TENM2: variants seen among roughly 807,000 people sequenced by gnomAD.
TENM2 encodes the protein teneurin-2.
Under a neutral mutation model 245.2 loss-of-function variants are expected in TENM2, and 52 were observed. The observed-to-expected ratio is 0.21, with a 90% CI of 0.17 to 0.27. TENM2 has a LOEUF of 0.27. TENM2 is among the 10% of genes least tolerant of loss of function. The pLI is 1.00. For missense variants in TENM2, 3,046 were observed against 3,666.8 expected, an observed-to-expected ratio of 0.83 and a Z score of 4.37; for synonymous variants, 1,363 against 1,438.9, an observed-to-expected ratio of 0.95 and a Z score of 1.19.
At chr5:167,309,130 T>A (rs1755863873) in intron 1 of TENM2, among the ~76,000 whole-genome samples, 1 of 152,092 alleles carries the variant, frequency 6.6e-6, no homozygotes, top group Non-Finnish European at 1.5e-5. Flanking sequence ...TATAGAATGA[T>A]CCTTGTCTTC....
At chr5:168,246,857 G>A in exon 27 of TENM2, 6 of 1,613,962 alleles carry the variant, frequency 3.7e-6, no homozygotes, top group Non-Finnish European at 3.4e-6. Context: ...GCCCGGCACA[G>A]CATGTCCACA....
intron 13 of TENM2, among the ~76,000 whole-genome samples, chr5:168,170,955 G>C (rs1190581102): frequency 2.6e-5 from 4 of 152,088 alleles, no homozygotes; most frequent in African/African-American, 4.8e-5. Context: ...TCTCTGACCT[G>C]TCCTCCCCCA....
intron 2 of TENM2, among the ~76,000 whole-genome samples, chr5:167,536,001 C>T (rs972847689): frequency 2.0e-5 from 3 of 152,056 alleles, no homozygotes; most frequent in African/African-American, 7.2e-5. Context: ...ATGGTTGCAT[C>T]CAGTAAAAAG....
chr5:167,005,655 G>GTTTTT, the TENM2 span, among the ~76,000 whole-genome samples: 12 of 52,964 alleles, frequency 2.3e-4, no homozygotes, highest in Admixed American at 1.4e-3. Flanking sequence ...CTGTGTGTGG[G>GTTTTT]TTTTTTTTTT....
At chr5:167,008,631 A>T in the TENM2 span, among the ~76,000 whole-genome samples, 10 of 152,058 alleles carry the variant, frequency 6.6e-5, no homozygotes, top group Non-Finnish European at 1.3e-4. Context: ...TTTTTCTATC[A>T]TGTGGGTTGC....
intron 5 of TENM2, among the ~76,000 whole-genome samples, chr5:168,039,640 T>C (rs1788011368): frequency 6.6e-6 from 1 of 152,154 alleles, no homozygotes; most frequent in Non-Finnish European, 1.5e-5. Context: ...TGTGTTTATC[T>C]GCATGAGGCT....
At chr5:167,516,375 T>G (rs2127576646) in intron 2 of TENM2, among the ~76,000 whole-genome samples, 1 of 152,022 alleles carries the variant, frequency 6.6e-6, no homozygotes. Context: ...TCACAGAAGG[T>G]TTCTAAATAG....
At chr5:167,311,438 A>G (rs1756027107) in intron 1 of TENM2, among the ~76,000 whole-genome samples, 1 of 152,136 alleles carries the variant, frequency 6.6e-6, no homozygotes, top group African/African-American at 2.4e-5. Flanking sequence ...TATATGTGCT[A>G]TTTATATACT....
chr5:167,490,582 A>G (rs1319571699), intron 2 of TENM2, among the ~76,000 whole-genome samples: 1 of 152,098 alleles, frequency 6.6e-6, no homozygotes, highest in African/African-American at 2.4e-5. Context: ...AGATCTCTGG[A>G]AGGAAGCAAT....
At chr5:167,921,250 T>G in intron 3 of TENM2, among the ~76,000 whole-genome samples, 1 of 152,254 alleles carries the variant, frequency 6.6e-6, no homozygotes, top group Non-Finnish European at 1.5e-5. Context: ...ATATATTTAT[T>G]ACATTTGGAT....
the TENM2 span, among the ~76,000 whole-genome samples, chr5:167,085,248 A>G: frequency 6.6e-6 from 1 of 152,196 alleles, no homozygotes; most frequent in South Asian, 2.1e-4. Flanking sequence ...AGATGCTGAA[A>G]TAGGTGAATC....
intron 2 of TENM2, among the ~76,000 whole-genome samples, chr5:167,677,410 T>A (rs1333458412): frequency 1.3e-5 from 2 of 151,998 alleles, no homozygotes; most frequent in Non-Finnish European, 2.9e-5. Flanking sequence ...GCTTTTTTTT[T>A]TTCTTTTTAA....
At position 167,381,525 on chromosome 5, in the gene TENM2, A is replaced by G. The variant is rs181073227; in HGVS notation, c.502+6052A>G. Among the ~76,000 whole-genome samples the G allele has an allele frequency of 2.6e-5, 4 of 152,318 alleles. No homozygotes were observed. The East Asian group carries it at 7.7e-4, about 29-fold the overall frequency. ...CAACATTTTAAAAGTAAGAGATTTT[A>G]TATTAGAAATTTTTATTTTTGGCCG... On this transcript the variant is annotated intron_variant, in intron 2 of 28. Coordinates refer to ENST00000518659, the Ensembl canonical transcript of TENM2.
chr5:167,209,551 G>A, the TENM2 span, among the ~76,000 whole-genome samples: 1 of 152,134 alleles, frequency 6.6e-6, no homozygotes, highest in African/African-American at 2.4e-5. Flanking sequence ...ACCACACCTG[G>A]AAATTTTTAG....
intron 1 of TENM2, among the ~76,000 whole-genome samples, chr5:167,328,204 GTTT>G (rs70976412): frequency 0.068 from 6,192 of 90,856 alleles, 161 homozygotes; most frequent in Admixed American, 0.16. Flanking sequence ...TTCTCATATC[GTTT>G]TTTTTTTTTT....
At chr5:168,203,689 T>C (rs753890676) in exon 18 of TENM2, 4 of 1,600,988 alleles carry the variant, frequency 2.5e-6, no homozygotes, top group Non-Finnish European at 3.4e-6. Context: ...TATCTTTCAG[T>C]GTCTGTCGGG....
chr5:167,693,250 G>A (rs1757545867), intron 2 of TENM2, among the ~76,000 whole-genome samples: 1 of 152,102 alleles, frequency 6.6e-6, no homozygotes, highest in Admixed American at 6.5e-5. Context: ...CAAAGACTAA[G>A]AAATCTGCCC....
intron 2 of TENM2, among the ~76,000 whole-genome samples, chr5:167,540,356 T>C (rs1772121536): frequency 6.6e-6 from 1 of 151,704 alleles, no homozygotes; most frequent in Non-Finnish European, 1.5e-5. Context: ...CAGCCAGACA[T>C]GTGTGTGTTT....
intron 2 of TENM2, among the ~76,000 whole-genome samples, chr5:167,775,265 G>A (rs1051771681): frequency 6.6e-6 from 1 of 152,188 alleles, no homozygotes; most frequent in African/African-American, 2.4e-5. Context: ...ACTGTGCCTG[G>A]CCAGGGTGTG....
Sources: allele counts gnomAD v4.1 joint callset (sites outside exome capture counted in the v4.1 genomes callset), GRCh38; gene constraint gnomAD v4.1.1; transcripts MANE v1.5; gene names NCBI Gene and HGNC (gene_info 2026-07-23, HGNC 2026-07-21).